HOXC4: variants seen among roughly 807,000 people sequenced by gnomAD.
HOXC4 encodes the protein homeobox protein Hox-C4.
HOXC4 carries 15 observed loss-of-function variants against 25.5 expected under a neutral mutation model. That is an observed-to-expected ratio of 0.59 (90% CI 0.39 to 0.91). HOXC4 has a LOEUF of 0.91. HOXC4 is among the 40% of genes least tolerant of loss of function. HOXC4 has a pLI of 0.00. For synonymous variants in HOXC4, 165 were observed against 148.0 expected (o/e 1.11, Z -0.83); for missense variants, 342 against 352.4 (o/e 0.97, Z 0.24).
At chr12:54,026,950 C>T (rs958230038) in intron 1 of HOXC4, among the ~76,000 whole-genome samples, 1 of 131,074 alleles carries the variant, frequency 7.6e-6, no homozygotes, top group Non-Finnish European at 1.6e-5. Context: ...CCCCCCCAAC[C>T]CACCCAAAAA....
chr12:54,033,916 C>T (rs1157193254), intron 1 of HOXC4: 1 of 447,378 alleles, frequency 2.2e-6, no homozygotes, highest in Non-Finnish European at 4.3e-6. Context: ...GAGCCGGCTC[C>T]GCCGGCGCTT....
At chr12:54,029,092 C>A (rs1015089034) in intron 1 of HOXC4, among the ~76,000 whole-genome samples, 2 of 151,816 alleles carry the variant, frequency 1.3e-5, no homozygotes, top group Admixed American at 6.6e-5. Context: ...GCCTCTCGCT[C>A]GCTTGCAGGG....
At chr12:54,049,679 A>G (rs981360470), upstream of HOXC4, among the ~76,000 whole-genome samples, 4 of 151,818 alleles carry the variant, frequency 2.6e-5, no homozygotes, top group African/African-American at 9.7e-5. Flanking sequence ...AGAAAAAATC[A>G]ATTAAGATTT....
chr12:54,054,116 G>T lies in HOXC4; in HGVS notation c.194G>T (p.Arg65Leu). ...CCTCCGCGCCCTAGCTACCCTGAGC[G>T]CCAGTATAGCTGCACCAGTCTCCAG... ...PPPPRPSYPE[R>L]QYSCTSLQGP... The change falls in exon 1 of 2, where the codon CGC becomes CTC. Residue 65 changes from arginine to leucine, a missense_variant. Coordinates refer to ENST00000430889, the MANE Select transcript of HOXC4 (RefSeq NM_153633.3). 1 of 1,614,078 alleles carries T rather than the reference G, an allele frequency of 6.2e-7. No homozygotes were observed. The highest frequency in any genetic ancestry group is 8.5e-7 in the Non-Finnish European group (1 of 1,180,006).
At chr12:54,034,235 G>C in intron 1 of HOXC4, 1 of 1,532,632 alleles carries the variant, frequency 6.5e-7, no homozygotes. Context: ...AACGCTGCAA[G>C]CTATTCACCC....
At chr12:54,033,640 A>G (rs1941080078) in intron 1 of HOXC4, 1 of 1,334,876 alleles carries the variant, frequency 7.5e-7, no homozygotes, top group Admixed American at 2.8e-5. Flanking sequence ...CATGCGGGGC[A>G]AATAAAGAAA....
At position 54,055,096 on chromosome 12, in the gene HOXC4, G is replaced by A. The variant is rs1937943761; in HGVS notation, c.686G>A (p.Gly229Asp). ...AAAGTCAGGTCAGCACCCCCGGCCG[G>A]CGCTGCGCCCAGCACCCTTTCGGCA... ...NTKVRSAPPA[G>D]AAPSTLSAAT... The change falls in exon 2 of 2, where the codon GGC becomes GAC. Residue 229 changes from glycine to aspartate, a missense_variant. By Grantham distance (94) the Gly-to-Asp change is moderately conservative. Coordinates refer to ENST00000430889, the MANE Select transcript of HOXC4 (RefSeq NM_153633.3). The A allele has an allele frequency of 6.2e-7, 1 of 1,613,090 alleles. No individual in the cohort carries two copies. Among genetic ancestry groups the A allele is most frequent in the Non-Finnish European group, 8.5e-7 (1 of 1,179,830 alleles).
At chr12:54,029,701 G>C in intron 1 of HOXC4, 1 of 1,614,114 alleles carries the variant, frequency 6.2e-7, no homozygotes. Flanking sequence ...AGATCTACTC[G>C]CGGTACCAGA....
intron 1 of HOXC4, among the ~76,000 whole-genome samples, chr12:54,026,973 G>GGA (rs1555185058): frequency 2.3e-4 from 33 of 140,692 alleles, no homozygotes; most frequent in African/African-American, 7.5e-4. Context: ...GTGGGGGGGG[G>GGA]GGGATATGAG....
chr12:54,054,082 C>T lies in HOXC4; in HGVS notation c.160C>T (p.Pro54Ser). The T allele has an allele frequency of 1.2e-6, 2 of 1,614,232 alleles. No individual in the cohort carries two copies. Among genetic ancestry groups the T allele is most frequent in the Admixed American group, 1.7e-5 (1 of 60,032 alleles). ...CCAGCATCACCACCAGGAGCTGTAC[C>T]CACCACCGCCTCCGCGCCCTAGCTA... is the stretch of plus-strand genomic sequence containing the variant. Reference protein sequence around the residue: ...GFQHHHQELYPPPPPRPSYPE... With the variant: ...GFQHHHQELYSPPPPRPSYPE... Residue 54 changes from proline (P) to serine (S), a missense_variant, in exon 1 of 2, where the codon CCA becomes TCA. Coordinates refer to ENST00000430889, the MANE Select transcript of HOXC4 (RefSeq NM_153633.3).
chr12:54,047,714 C>T (rs7134677), intron 1 of HOXC4: 43,665 of 152,150 alleles, frequency 0.29, 6,415 homozygotes, highest in East Asian at 0.41. Flanking sequence ...CCAGAGCGCG[C>T]GGAGGGGCTT....
intron 1 of HOXC4, chr12:54,030,816 A>G (rs1343746810): frequency 6.6e-6 from 1 of 152,268 alleles, no homozygotes. Flanking sequence ...ATTATTTTTA[A>G]AACTTTATAC....
chr12:54,034,716 A>C (rs1223856029), intron 1 of HOXC4: 1 of 544,150 alleles, frequency 1.8e-6, no homozygotes, highest in Non-Finnish European at 3.3e-6. Context: ...AGCTCGGCTC[A>C]GCTCGGTACC....
chr12:54,033,420 A>C (rs778265820), intron 1 of HOXC4: 1 of 1,608,530 alleles, frequency 6.2e-7, no homozygotes, highest in South Asian at 1.1e-5. Flanking sequence ...CGGGATGTAC[A>C]GTCAGAAGGC....
At chr12:54,019,258 A>C (rs1271013641) in intron 1 of HOXC4, among the ~76,000 whole-genome samples, 1 of 131,562 alleles carries the variant, frequency 7.6e-6, no homozygotes. Flanking sequence ...TTTACGATCG[A>C]GAAAAGCGCT....
chr12:54,024,257 C>T (rs1940583515), intron 1 of HOXC4, among the ~76,000 whole-genome samples: 1 of 152,084 alleles, frequency 6.6e-6, no homozygotes, highest in South Asian at 2.1e-4. Flanking sequence ...GGGGCAGGGT[C>T]GGGCAGCTGC....
chr12:54,033,412 G>C lies in HOXC4; in HGVS notation c.-124+15998G>C, dbSNP rs748901748. On this transcript the variant is annotated intron_variant, in intron 1 of 3. Transcript: ENST00000303406. The stretch of plus-strand genomic sequence containing the variant: ...GACGAAGCGGCTCCTCTGAACCCCG[G>C]GATGTACAGTCAGAAGGCGGCTCGC... 2.7e-5 allele frequency: 44 copies of C among 1,610,304 alleles called. No individual in the cohort carries two copies. The East Asian group carries it at 9.8e-4, about 36-fold the overall frequency.
upstream of HOXC4, among the ~76,000 whole-genome samples, chr12:54,051,403 C>T (rs1937843416): frequency 6.8e-6 from 1 of 147,794 alleles, no homozygotes; most frequent in African/African-American, 2.5e-5. Context: ...TTATAATGAA[C>T]CCACCCCCAC....
rs763983184 is a variant in HOXC4 at position 54,054,083 on chromosome 12, C to T, written c.161C>T (p.Pro54Leu). The T allele has an allele frequency of 4.3e-6, 7 of 1,614,102 alleles. No homozygotes were observed. The highest frequency in any genetic ancestry group is 5.9e-6 in the Non-Finnish European group (7 of 1,180,050). Residue 54 changes from proline to leucine, a missense_variant, in exon 1 of 2, where the codon CCA (proline) becomes CTA (leucine). Pro to Leu is a moderately conservative substitution (Grantham distance 98). Transcript: ENST00000430889. Reference sequence around the variant, plus strand: ...CAGCATCACCACCAGGAGCTGTACCCACCACCGCCTCCGCGCCCTAGCTAC... The same window carrying T: ...CAGCATCACCACCAGGAGCTGTACCTACCACCGCCTCCGCGCCCTAGCTAC... ...GFQHHHQELY[P>L]PPPPRPSYPE... is the part of the protein sequence containing the mutation.
Sources: gnomAD v4.1 joint callset for allele counts (sites outside exome capture counted in the v4.1 genomes callset) on GRCh38, gnomAD v4.1.1 for gene constraint, MANE v1.5 for transcripts, NCBI Gene and HGNC (gene_info 2026-07-23, HGNC 2026-07-21) for gene names.